YPEL5: variants seen among roughly 807,000 people sequenced by gnomAD.
The protein encoded by YPEL5 is protein yippee-like 5.
In YPEL5, 1 loss-of-function variant was observed where a neutral mutation model predicts 10.5. The observed-to-expected ratio is 0.10, with a 90% CI of 0.03 to 0.45. The LOEUF (loss-of-function observed/expected upper bound fraction) is 0.45. Among genes scored for constraint, YPEL5 ranks in the 20% least tolerant of loss-of-function variants. The pLI is 0.97. For missense variants in YPEL5, 68 were observed against 159.3 expected (o/e 0.43, Z 3.09); for synonymous variants, 61 against 56.6 (o/e 1.08, Z -0.35).
intron 1 of YPEL5, among the ~76,000 whole-genome samples, chr2:30,149,505 T>C (rs1675677090): frequency 1.3e-5 from 2 of 152,244 alleles, no homozygotes; most frequent in South Asian, 4.1e-4. Context: ...TAGCGTTTAG[T>C]CACAACTCAG....
rs538331687 is a variant in YPEL5 at position 30,154,399 on chromosome 2, A to G, written c.-24-2229A>G. ...AAGAGGTGAAGTAATTGTGTGAAGC[A>G]AAGTGGAGACTGAGCAAATAAAATG... On this transcript the variant is annotated intron_variant, in intron 1 of 2. Transcript: ENST00000261353. Among the ~76,000 whole-genome samples, 8 of 152,366 alleles carry G rather than the reference A, an allele frequency of 5.3e-5. No homozygotes were observed. In the East Asian group the frequency reaches 7.7e-4, roughly 15 times the overall value.
At chr2:30,156,930 T>G (rs914774560) in intron 2 of YPEL5, 138 bp downstream of exon 2, 2 of 1,047,578 alleles carry the variant, frequency 1.9e-6, no homozygotes, top group Non-Finnish European at 2.8e-6. Flanking sequence ...GATTGCCCAC[T>G]AGCTCGTCTT....
At chr2:30,154,047 T>C (rs1188861854) in intron 1 of YPEL5, among the ~76,000 whole-genome samples, 2 of 152,234 alleles carry the variant, frequency 1.3e-5, no homozygotes, top group African/African-American at 4.8e-5. Context: ...GTGGTCAATG[T>C]AGATACAGGT....
intron 2 of YPEL5, 119 bp from the exon 3 acceptor site, chr2:30,158,499 TA>T: frequency 1.0e-6 from 1 of 960,552 alleles, no homozygotes; most frequent in Non-Finnish European, 1.6e-6. Context: ...TAGGTTTGAC[TA>T]AACTAACAAG....
At chr2:30,152,965 A>G (rs1675877854) in intron 1 of YPEL5, among the ~76,000 whole-genome samples, 2 of 150,532 alleles carry the variant, frequency 1.3e-5, no homozygotes, top group Admixed American at 6.6e-5. Flanking sequence ...CAGTAGCACA[A>G]TCTCAGCTCA....
At chr2:30,153,746 A>G (rs758833749) in intron 1 of YPEL5, among the ~76,000 whole-genome samples, 1 of 152,242 alleles carries the variant, frequency 6.6e-6, no homozygotes, top group Non-Finnish European at 1.5e-5. Flanking sequence ...CTACAGTTCT[A>G]TATGTATAAT....
rs755081887 is a variant in YPEL5 at position 30,158,654 on chromosome 2, G to A, written c.177G>A (p.Arg59=). Residue 59 remains arginine, a synonymous_variant, in exon 3 of 3, where the codon CGG becomes CGA. Transcript: ENST00000261353. ...TGCAGTACAGTGAAGTTCAAGATCGGGTCATGCTCACTGGCCGCCACATGG... is the reference window on the plus strand; with the variant it reads ...TGCAGTACAGTGAAGTTCAAGATCGAGTCATGCTCACTGGCCGCCACATGG... ...VNLQYSEVQD[R]VMLTGRHMVR... is the part of the protein sequence containing the mutation. 2 of 1,613,908 alleles carry A rather than the reference G, an allele frequency of 1.2e-6. No individual in the cohort carries two copies. The highest frequency in any genetic ancestry group is 1.7e-6 in the Non-Finnish European group (2 of 1,180,036).
At chr2:30,149,961 C>T (rs974968372) in intron 1 of YPEL5, among the ~76,000 whole-genome samples, 1 of 152,190 alleles carries the variant, frequency 6.6e-6, no homozygotes, top group Non-Finnish European at 1.5e-5. Flanking sequence ...CGAATAGATA[C>T]CTACCCTCCC....
chr2:30,153,837 T>C (rs1345768655), intron 1 of YPEL5, among the ~76,000 whole-genome samples: 1 of 152,224 alleles, frequency 6.6e-6, no homozygotes, highest in Non-Finnish European at 1.5e-5. Flanking sequence ...TAATGAATCA[T>C]ATAATTGAAT....
At chr2:30,150,546 TATC>T (rs1675735436) in intron 1 of YPEL5, among the ~76,000 whole-genome samples, 1 of 152,218 alleles carries the variant, frequency 6.6e-6, no homozygotes, top group South Asian at 2.1e-4. Flanking sequence ...TGGTAGATAT[TATC>T]TATTTTTATA....
Position 30,158,785 on chromosome 2 carries a change from G to A in YPEL5, c.308G>A (p.Arg103His), listed in dbSNP as rs1025934749. The A allele has an allele frequency of 1.2e-6, 2 of 1,614,202 alleles. No homozygotes were observed. Among genetic ancestry groups the A allele is most frequent in the Non-Finnish European group, 1.7e-6 (2 of 1,180,042 alleles). The part of the protein sequence containing the change: ...RYKEGRVILE[R>H]ALVRESEGFE... ...AAGGAAGGCCGCGTGATCCTGGAAC[G>A]TGCTCTAGTTCGAGAGAGTGAGGGC... Residue 103 changes from arginine (R) to histidine (H), a missense_variant, in exon 3 of 3, where the codon CGT becomes CAT. Coordinates refer to ENST00000261353, the MANE Select transcript of YPEL5 (RefSeq NM_016061.3).
At chr2:30,155,186 T>C (rs1184414252) in intron 1 of YPEL5, among the ~76,000 whole-genome samples, 2 of 152,256 alleles carry the variant, frequency 1.3e-5, no homozygotes, top group Admixed American at 1.3e-4. Flanking sequence ...TAGTGCAAGG[T>C]TCATTGTGAT....
At chr2:30,149,858 T>G (rs1675702915) in intron 1 of YPEL5, among the ~76,000 whole-genome samples, 1 of 152,254 alleles carries the variant, frequency 6.6e-6, no homozygotes, top group South Asian at 2.1e-4. Context: ...AAGTGTGTAT[T>G]CTATGGAAAT....
intron 1 of YPEL5, among the ~76,000 whole-genome samples, chr2:30,149,769 TCTTTGTACCTTGC>T (rs1647067712): frequency 6.6e-6 from 1 of 152,240 alleles, no homozygotes; most frequent in Non-Finnish European, 1.5e-5. Context: ...CCTGCAGCAG[TCTTTGTACCTTGC>T]CTTTGTCCCA....
chr2:30,156,942 G>A, intron 2 of YPEL5, 150 bp downstream of exon 2: 2 of 966,316 alleles, frequency 2.1e-6, no homozygotes, highest in Non-Finnish European at 3.1e-6. Flanking sequence ...GCTCGTCTTT[G>A]ATGGGACCTT....
chr2:30,160,180 G>C lies in YPEL5; in HGVS notation c.*1337G>C, dbSNP rs980093731. The C allele has an allele frequency of 1.3e-5, 2 of 152,594 alleles. No individual in the cohort carries two copies. The highest frequency in any genetic ancestry group is 4.8e-5 in the African/African-American group (2 of 41,456). The allele number at this position is 152,594 out of a possible 1,614,324, so 9.5% of individuals were successfully genotyped here. ...GAATGAATGAATGGATGGATGTTTT[G>C]CATGCTCAATTTCTAGGTCCTTTGT... On this transcript the variant is annotated 3_prime_UTR_variant, in exon 3 of 3. Transcript: ENST00000261353.
At chr2:30,155,485 C>G (rs925777972) in intron 1 of YPEL5, among the ~76,000 whole-genome samples, 3 of 152,082 alleles carry the variant, frequency 2.0e-5, no homozygotes, top group Non-Finnish European at 2.9e-5. Context: ...GTGGCAGTTA[C>G]ATTAGCTCTG....
chr2:30,152,441 A>T (rs1003598933), intron 1 of YPEL5, among the ~76,000 whole-genome samples: 3 of 152,194 alleles, frequency 2.0e-5, no homozygotes, highest in African/African-American at 7.2e-5. Context: ...TCCAAAAGTG[A>T]TTTAGGAAGT....
intron 1 of YPEL5, among the ~76,000 whole-genome samples, chr2:30,153,642 C>T (rs1675912878): frequency 6.6e-6 from 1 of 152,184 alleles, no homozygotes; most frequent in Non-Finnish European, 1.5e-5. Context: ...TTTTCTACTT[C>T]CTAAAGACCT....
Sources: gnomAD v4.1 joint callset for allele counts (sites outside exome capture counted in the v4.1 genomes callset) on GRCh38, gnomAD v4.1.1 for gene constraint, MANE v1.5 for transcripts, NCBI Gene and HGNC (gene_info 2026-07-23, HGNC 2026-07-21) for gene names.